Variants in ZNF503 observed in about 807,000 individuals in gnomAD.
ZNF503 encodes zinc finger protein 503, also known as NocA-like zinc finger 2.
Under a neutral mutation model 34.4 loss-of-function variants are expected in ZNF503, and 15 were observed. That is an observed-to-expected ratio of 0.44 (90% CI 0.29 to 0.67). ZNF503 has a LOEUF of 0.67. ZNF503 is among the 30% of genes least tolerant of loss of function. The pLI is 0.13. For missense variants in ZNF503, 1,007 were observed against 926.8 expected, an observed-to-expected ratio of 1.09 and a Z score of -1.12; for synonymous variants, 580 against 456.8, an observed-to-expected ratio of 1.27 and a Z score of -3.44.
chr10:75,395,290 A>G (rs952519151), downstream of ZNF503, among the ~76,000 whole-genome samples: 3 of 152,210 alleles, frequency 2.0e-5, no homozygotes, highest in African/African-American at 7.2e-5. The surrounding 1 kb of genome is among the most constrained non-coding windows in gnomAD (Gnocchi z 4.4). Context: ...CAGAAGCTGG[A>G]GCGGGTGGAG....
chr10:75,286,333 T>C, the ZNF503 span, among the ~76,000 whole-genome samples: 16 of 150,764 alleles, frequency 1.1e-4, 2 homozygotes, highest in East Asian at 2.9e-3. Flanking sequence ...CTTACTTGAA[T>C]TTAATTATGT....
the ZNF503 span, among the ~76,000 whole-genome samples, chr10:75,385,602 C>T: frequency 6.6e-6 from 1 of 152,170 alleles, no homozygotes; most frequent in South Asian, 2.1e-4. Context: ...TTCCTCACAG[C>T]ATGGTGACTG....
chr10:75,356,542 C>T, the ZNF503 span, among the ~76,000 whole-genome samples: 5 of 152,234 alleles, frequency 3.3e-5, no homozygotes, highest in African/African-American at 1.2e-4. Flanking sequence ...GAAAACATCA[C>T]GTAGCTCATC....
Position 75,398,703 on chromosome 10 carries a change from C to A in ZNF503, c.*46G>T. The stretch of plus-strand genomic sequence containing the variant: ...GATCCCGCCTCTCCCTGGACTCCTC[C>A]CCTCCCCCTCTCCCTCCTCTCCCTC... On this transcript the variant is annotated 3_prime_UTR_variant, in exon 2 of 2. Transcript: ENST00000372524. 7.4e-7 allele frequency: 1 copy of A among 1,348,566 alleles called. No homozygotes were observed. Among genetic ancestry groups the A allele is most frequent in the Non-Finnish European group, 9.5e-7 (1 of 1,054,674 alleles). 83.5% of individuals were successfully genotyped at this position (1,348,566 alleles called of 1,614,324 possible).
chr10:75,300,701 T>TTCC, the ZNF503 span, among the ~76,000 whole-genome samples: 1 of 94,618 alleles, frequency 1.1e-5, no homozygotes, highest in African/African-American at 5.6e-5. Context: ...TCTTTCTTTC[T>TTCC]TTCTTTTTTT....
the ZNF503 span, among the ~76,000 whole-genome samples, chr10:75,378,087 A>G: frequency 6.6e-6 from 1 of 151,992 alleles, no homozygotes; most frequent in Non-Finnish European, 1.5e-5. Flanking sequence ...AGCACCAGGC[A>G]GGGGAGGCCG....
At chr10:75,382,670 T>G in the ZNF503 span, 1 of 351,292 alleles carries the variant, frequency 2.8e-6, no homozygotes, top group African/African-American at 2.2e-5. Context: ...AGTCCCCCAT[T>G]CTGCTGGATC....
At chr10:75,302,394 TAA>T in the ZNF503 span, among the ~76,000 whole-genome samples, 1 of 152,362 alleles carries the variant, frequency 6.6e-6, no homozygotes, top group East Asian at 1.9e-4. Context: ...CTTAGATGTG[TAA>T]AGTTATATTT....
the ZNF503 span, among the ~76,000 whole-genome samples, chr10:75,378,135 G>A: frequency 1.3e-5 from 2 of 152,066 alleles, no homozygotes; most frequent in African/African-American, 4.8e-5. Flanking sequence ...CCACCCTCAT[G>A]ATCCTATCAC....
At chr10:75,294,472 T>C in the ZNF503 span, among the ~76,000 whole-genome samples, 3 of 152,190 alleles carry the variant, frequency 2.0e-5, no homozygotes, top group African/African-American at 7.2e-5. Flanking sequence ...TAAATGATTG[T>C]ATTATTATTA....
chr10:75,363,028 C>T, the ZNF503 span, among the ~76,000 whole-genome samples: 430 of 152,014 alleles, frequency 2.8e-3, 1 homozygote, highest in Non-Finnish European at 5.1e-3. Flanking sequence ...TAGACAGCAG[C>T]GGAGGTGGCA....
chr10:75,352,205 C>T, the ZNF503 span, among the ~76,000 whole-genome samples: 2 of 152,226 alleles, frequency 1.3e-5, no homozygotes, highest in Non-Finnish European at 2.9e-5. Context: ...AAAGGGGCTG[C>T]TGTAGGGGCC....
the ZNF503 span, among the ~76,000 whole-genome samples, chr10:75,368,367 G>T: frequency 3.2e-4 from 48 of 152,070 alleles, no homozygotes; most frequent in African/African-American, 1.2e-3. Context: ...GAAAGAGAAG[G>T]GTTCAAAAAT....
chr10:75,312,347 T>C, the ZNF503 span, among the ~76,000 whole-genome samples: 2 of 151,652 alleles, frequency 1.3e-5, no homozygotes, highest in Non-Finnish European at 2.9e-5. Flanking sequence ...GTGGATGGGA[T>C]TGAAGGAAAG....
At position 75,399,941 on chromosome 10, in the gene ZNF503, T is replaced by G; in HGVS notation, c.749A>C (p.Glu250Ala). ...GMLSSAGGAP[E>A]GKDDKKDTDV... ...GGTGTCTTTCTTGTCGTCCTTGCCC[T>G]CCGGGGCACCCCCGGCCGAGGACAG... Residue 250 changes from glutamate to alanine, a missense_variant, in exon 2 of 2, where the codon GAG becomes GCG. Transcript: ENST00000372524. 1 of 1,605,976 alleles carries G rather than the reference T, an allele frequency of 6.2e-7. No homozygotes were observed. The highest frequency in any genetic ancestry group is 8.5e-7 in the Non-Finnish European group (1 of 1,179,300).
rs1411017440 is a variant in ZNF503 at position 75,400,297 on chromosome 10, G to A, written c.393C>T (p.Ser131=). 5 of 1,613,294 alleles carry A rather than the reference G, an allele frequency of 3.1e-6. No individual in the cohort carries two copies. The highest frequency in any genetic ancestry group is 1.1e-5 in the South Asian group (1 of 91,028). ...TGGAGGCAACCGAGGAGAGTTTGGA[G>A]GAGGGCGAGGGGTCGGGCTTCCCGA... The part of the protein sequence containing the change: ...SQIGKPDPSP[S]SKLSSVASNG... The change falls in exon 2 of 2, where the codon TCC becomes TCT. Residue 131 remains serine (S), a synonymous_variant. Transcript: ENST00000372524.
chr10:75,360,819 C>A, the ZNF503 span: 8 of 152,208 alleles, frequency 5.3e-5, no homozygotes, highest in African/African-American at 1.9e-4. Context: ...GCTCAGAATC[C>A]ATTTGGGTCA....
At chr10:75,291,244 G>A in the ZNF503 span, among the ~76,000 whole-genome samples, 2 of 152,160 alleles carry the variant, frequency 1.3e-5, no homozygotes, top group Non-Finnish European at 2.9e-5. Flanking sequence ...CAGTTTCTCA[G>A]AATTCCTAAA....
At chr10:75,306,014 A>G in the ZNF503 span, among the ~76,000 whole-genome samples, 1 of 152,228 alleles carries the variant, frequency 6.6e-6, no homozygotes, top group Non-Finnish European at 1.5e-5. Context: ...GTGTACAGAT[A>G]TCTCTTCAAG....
Sources: allele counts gnomAD v4.1 joint callset (sites outside exome capture counted in the v4.1 genomes callset), GRCh38; gene constraint gnomAD v4.1.1; non-coding constraint Gnocchi (gnomAD v3.1); transcripts MANE v1.5; gene names NCBI Gene and HGNC (gene_info 2026-07-23, HGNC 2026-07-21).